Variants in GDI2 observed in about 807,000 individuals in gnomAD.
GDI2 encodes the protein GDP dissociation inhibitor 2.
In GDI2, 22 loss-of-function variants were observed where a neutral mutation model predicts 54.2. That is an observed-to-expected ratio of 0.41 (90% CI 0.29 to 0.58). The LOEUF is 0.58. GDI2 is among the 20% of genes least tolerant of loss of function. GDI2 has a pLI of 0.35. For missense variants in GDI2, 422 were observed against 546.0 expected, an observed-to-expected ratio of 0.77 and a Z score of 2.26; for synonymous variants, 177 against 182.1, an observed-to-expected ratio of 0.97 and a Z score of 0.23.
intron 4 of GDI2, among the ~76,000 whole-genome samples, chr10:5,794,037 G>C (rs1389100151): frequency 6.6e-6 from 1 of 151,238 alleles, no homozygotes; most frequent in African/African-American, 2.4e-5. Context: ...GTTGGTACAT[G>C]CCTATAGTCC....
At position 5,766,547 on chromosome 10, in the gene GDI2, C is replaced by T. The variant is rs754402330; in HGVS notation, c.1083G>A (p.Glu361=). Residue 361 remains glutamate (E), a synonymous_variant, in exon 9 of 11, where the codon GAG becomes GAA. Coordinates refer to ENST00000380191, the MANE Select transcript of GDI2 (RefSeq NM_001494.4). This position sits in a 1 kb window ranked among gnomAD's most constrained non-coding sequence, Gnocchi z 5.8. The part of the protein sequence containing the change: ...AIVSTTVETK[E]PEKEIRPALE... ...AAGCTGGTCTGATTTCCTTCTCAGG[C>T]TCCTTGGTTTCCACAGTTGTACTAA... 2 of 1,613,882 alleles carry T rather than the reference C, an allele frequency of 1.2e-6. No individual in the cohort carries two copies. Among genetic ancestry groups the T allele is most frequent in the African/African-American group, 1.3e-5 (1 of 75,062 alleles).
At chr10:5,787,938 T>C (rs2131701044) in intron 4 of GDI2, among the ~76,000 whole-genome samples, 1 of 152,348 alleles carries the variant, frequency 6.6e-6, no homozygotes, top group African/African-American at 2.4e-5. Context: ...CTCCATTACC[T>C]GATCCTTACC....
chr10:5,792,855 T>G (rs912715932), intron 4 of GDI2, among the ~76,000 whole-genome samples: 25 of 150,790 alleles, frequency 1.7e-4, no homozygotes, highest in African/African-American at 5.6e-4. Context: ...AAAATAAAAC[T>G]GCCAAACGAT....
intron 7 of GDI2, among the ~76,000 whole-genome samples, chr10:5,773,489 A>G (rs1052454808): frequency 2.0e-5 from 3 of 152,156 alleles, no homozygotes; most frequent in Non-Finnish European, 4.4e-5. Context: ...TATATAATTC[A>G]CATTTGAGAA....
At chr10:5,786,416 C>T (rs1840881891) in intron 4 of GDI2, among the ~76,000 whole-genome samples, 1 of 151,972 alleles carries the variant, frequency 6.6e-6, no homozygotes, top group South Asian at 2.1e-4. Flanking sequence ...ATCCGCCCAC[C>T]ACGGCCTCCC....
rs1231385252 is a variant in GDI2 at position 5,813,270 on chromosome 10, C to G, written c.-12G>C. On this transcript the variant is annotated 5_prime_UTR_variant, in exon 1 of 11. Transcript: ENST00000380191. ...TACTCCTCATTCATGGCGGGGCAGG[C>G]GCGGACGCAGGACCCGAGCAAGGAA... 6.4e-7 allele frequency: 1 copy of G among 1,568,298 alleles called. No homozygotes were observed.
intron 1 of GDI2, among the ~76,000 whole-genome samples, chr10:5,805,363 TA>T (rs33941987): frequency 0.77 from 81,434 of 105,824 alleles, 31,594 homozygotes; most frequent in Middle Eastern, 0.85. Flanking sequence ...ATTTGCTCTT[TA>T]AAAAAAAAAA....
intron 4 of GDI2, among the ~76,000 whole-genome samples, chr10:5,789,010 G>C (rs944645531): frequency 4.3e-4 from 66 of 152,120 alleles, no homozygotes; most frequent in African/African-American, 1.5e-3. Flanking sequence ...CAAGTGATCC[G>C]CCTGCCTCAG....
intron 1 of GDI2, among the ~76,000 whole-genome samples, chr10:5,808,307 A>G (rs574578418): frequency 4.1e-4 from 63 of 152,280 alleles, no homozygotes; most frequent in African/African-American, 1.5e-3. Context: ...CCTGGGTAAG[A>G]GACCGAGACC....
At chr10:5,788,361 T>C (rs1356885386) in intron 4 of GDI2, among the ~76,000 whole-genome samples, 1 of 152,164 alleles carries the variant, frequency 6.6e-6, no homozygotes, top group Non-Finnish European at 1.5e-5. Flanking sequence ...CCCAGATCAC[T>C]TTATTTAAAG....
intron 1 of GDI2, among the ~76,000 whole-genome samples, chr10:5,809,412 C>A (rs1282403434): frequency 2.0e-5 from 3 of 152,180 alleles, no homozygotes; most frequent in Non-Finnish European, 4.4e-5. Flanking sequence ...ACAAACCACT[C>A]CCCATTCCCT....
chr10:5,769,397 C>T, intron 7 of GDI2: 1 of 151,774 alleles, frequency 6.6e-6, no homozygotes, highest in East Asian at 1.9e-4. Flanking sequence ...CATGGAGATA[C>T]CTCGTCTCTA....
intron 1 of GDI2, chr10:5,811,829 GA>G: frequency 3.9e-6 from 2 of 513,378 alleles, no homozygotes; most frequent in East Asian, 7.9e-5. Flanking sequence ...ACTATAAACA[GA>G]AAAATGACAG....
At chr10:5,767,257 TG>T (rs1445941198) in intron 8 of GDI2, among the ~76,000 whole-genome samples, 1 of 151,882 alleles carries the variant, frequency 6.6e-6, no homozygotes, top group Non-Finnish European at 1.5e-5. Flanking sequence ...AGGACCCGCC[TG>T]GGAACCTTGT....
intron 3 of GDI2, among the ~76,000 whole-genome samples, chr10:5,796,088 A>C (rs1841141160): frequency 6.6e-6 from 1 of 152,174 alleles, no homozygotes; most frequent in Admixed American, 6.6e-5. Flanking sequence ...AAAAATACTT[A>C]GCCTGTAATC....
At chr10:5,782,272 T>G (rs779396276) in intron 6 of GDI2, among the ~76,000 whole-genome samples, 8 of 152,168 alleles carry the variant, frequency 5.3e-5, no homozygotes, top group Non-Finnish European at 7.4e-5. Context: ...CATAATGAGA[T>G]AGCATTTCAC....
intron 6 of GDI2, among the ~76,000 whole-genome samples, chr10:5,782,381 T>C (rs969289948): frequency 6.6e-6 from 1 of 152,204 alleles, no homozygotes; most frequent in Non-Finnish European, 1.5e-5. Flanking sequence ...GTATACACAA[T>C]GACACAACCA....
intron 4 of GDI2, among the ~76,000 whole-genome samples, chr10:5,789,302 G>GT (rs752175264): frequency 6.6e-6 from 1 of 151,746 alleles, no homozygotes; most frequent in Non-Finnish European, 1.5e-5. Context: ...GTCTTACTAT[G>GT]TTGCCCAGGC....
chr10:5,780,233 CAAACA>C (rs1451152739), intron 6 of GDI2, among the ~76,000 whole-genome samples: 13 of 119,454 alleles, frequency 1.1e-4, no homozygotes, highest in African/African-American at 3.4e-4. Flanking sequence ...AACAAACAAA[CAAACA>C]AAAAAACAGA....
Sources: allele counts gnomAD v4.1 joint callset (sites outside exome capture counted in the v4.1 genomes callset), GRCh38; gene constraint gnomAD v4.1.1; non-coding constraint Gnocchi (gnomAD v3.1); transcripts MANE v1.5; gene names NCBI Gene and HGNC (gene_info 2026-07-23, HGNC 2026-07-21).